The following IFT122 variants were observed in gnomAD, a reference collection of about 807,000 sequenced individuals.
IFT122 encodes the protein intraflagellar transport 122, also known as intraflagellar transport protein 122 homolog.
IFT122 carries 118 observed loss-of-function variants against 161.6 expected under a neutral mutation model. The observed-to-expected ratio is 0.73, with a 90% CI of 0.63 to 0.85. The LOEUF (loss-of-function observed/expected upper bound fraction) is 0.85. Among genes scored for constraint, IFT122 ranks in the 40% least tolerant of loss-of-function variants. The pLI is 0.00. For missense variants in IFT122, 1,381 were observed against 1,579.6 expected, an observed-to-expected ratio of 0.87 and a Z score of 2.13; for synonymous variants, 550 against 602.4, an observed-to-expected ratio of 0.91 and a Z score of 1.27.
In IFT122 at chr3:129,495,557, A is replaced by G; in HGVS notation, c.2158A>G (p.Asn720Asp). 2 of 1,614,176 alleles carry G rather than the reference A, an allele frequency of 1.2e-6. No individual in the cohort carries two copies. Among genetic ancestry groups the G allele is most frequent in the Non-Finnish European group, 1.7e-6 (2 of 1,180,034 alleles). ...ACTGTACAAGAGGAGTGGGCACGAGAACCTCGCGCTTGAAATGTACACCGA... is the reference window on the plus strand; with the variant it reads ...ACTGTACAAGAGGAGTGGGCACGAGGACCTCGCGCTTGAAATGTACACCGA... ...AKLYKRSGHENLALEMYTDLC... is the reference protein window; with the variant it reads ...AKLYKRSGHEDLALEMYTDLC... Residue 720 changes from asparagine (N) to aspartate (D), a missense_variant, in exon 18 of 30, where the codon AAC becomes GAC. Asn to Asp is a conservative substitution (Grantham distance 23). Around this residue, in one of 7 missense-constraint regions of IFT122, gnomAD observed 496 missense variants for 502.5 expected, o/e 0.99. Coordinates refer to ENST00000348417, the MANE Select transcript of IFT122 (RefSeq NM_052989.3).
intron 1 of IFT122, among the ~76,000 whole-genome samples, chr3:129,446,115 ACTCTC>A (rs993713957): frequency 6.6e-6 from 1 of 151,072 alleles, no homozygotes; most frequent in Non-Finnish European, 1.5e-5. Flanking sequence ...CATTTTACAA[ACTCTC>A]CTCTCTAAAG....
At chr3:129,515,865 A>G (rs1228365159) in intron 26 of IFT122, among the ~76,000 whole-genome samples, 28 of 152,188 alleles carry the variant, frequency 1.8e-4, no homozygotes, top group Non-Finnish European at 4.4e-5. Flanking sequence ...TGCCCCAGAA[A>G]GAGAGTCCGA....
intron 9 of IFT122, among the ~76,000 whole-genome samples, chr3:129,474,163 C>CT (rs1453727238): frequency 6.6e-6 from 1 of 152,152 alleles, no homozygotes; most frequent in Non-Finnish European, 1.5e-5. Flanking sequence ...ATTAATTTAA[C>CT]TAAGTTTTAA....
In IFT122 at chr3:129,516,088, G is replaced by A. The variant is rs1261982297; in HGVS notation, c.3265+489G>A. On this transcript the variant is annotated intron_variant, in intron 26 of 29. Transcript: ENST00000348417. Reference sequence around the variant, plus strand: ...CAGACTGTCCCTGAACACACACACAGACTGCTCCTGCACACACACACACAG... The same window carrying A: ...CAGACTGTCCCTGAACACACACACAAACTGCTCCTGCACACACACACACAG... Among the ~76,000 whole-genome samples the A allele has an allele frequency of 2.2e-5, 3 of 135,110 alleles. No individual in the cohort carries two copies. The East Asian group carries it at 7.1e-4, about 32-fold the overall frequency. The allele number at this position is 135,110 out of a possible 152,430, so 88.6% of individuals were successfully genotyped here.
chr3:129,470,417 C>A (rs555951185), intron 9 of IFT122, among the ~76,000 whole-genome samples: 1 of 152,062 alleles, frequency 6.6e-6, no homozygotes, highest in Admixed American at 6.5e-5. Context: ...GCGCCCACCA[C>A]CACGCCTGGC....
chr3:129,487,693 A>T (rs966291779), intron 15 of IFT122: 5 of 181,814 alleles, frequency 2.8e-5, no homozygotes, highest in Non-Finnish European at 5.9e-5. Context: ...GAACTCATTC[A>T]TTGTGTCAGC....
At position 129,502,773 on chromosome 3, in the gene IFT122, C is replaced by T; in HGVS notation, c.2438C>T (p.Thr813Ile). The T allele has an allele frequency of 6.2e-7, 1 of 1,612,830 alleles. No homozygotes were observed. Among genetic ancestry groups the T allele is most frequent in the African/African-American group, 1.3e-5 (1 of 75,064 alleles). Reference sequence around the variant, plus strand: ...CGCGAGCCCCTGCTGCTGTGCGCTACCTACCTCAAGAAGCTGGACAGCCCT... The same window carrying T: ...CGCGAGCCCCTGCTGCTGTGCGCTATCTACCTCAAGAAGCTGGACAGCCCT... Reference protein sequence around the residue: ...AEREPLLLCATYLKKLDSPGY... With the variant: ...AEREPLLLCAIYLKKLDSPGY... Residue 813 changes from threonine to isoleucine, a missense_variant, in exon 20 of 30, where the codon ACC becomes ATC. By Grantham distance (89) the Thr-to-Ile change is moderately conservative (BLOSUM62 -1). Transcript: ENST00000348417.
chr3:129,467,114 C>T, intron 8 of IFT122, 48 bp downstream of exon 8: 1 of 1,558,176 alleles, frequency 6.4e-7, no homozygotes, highest in African/African-American at 1.4e-5. Context: ...GGGCCCAGGC[C>T]CCACACAGAC....
intron 15 of IFT122, among the ~76,000 whole-genome samples, chr3:129,484,731 A>G (rs1323548398): frequency 6.6e-6 from 1 of 152,132 alleles, no homozygotes; most frequent in East Asian, 1.9e-4. Flanking sequence ...TCACTCAACA[A>G]TCTCCTAAAG....
chr3:129,489,705 G>A (rs2079799855), intron 16 of IFT122, among the ~76,000 whole-genome samples: 1 of 152,140 alleles, frequency 6.6e-6, no homozygotes, highest in Non-Finnish European at 1.5e-5. Context: ...CGGGCATGGT[G>A]GCAGGCGCCT....
chr3:129,471,417 A>G (rs981090372), intron 9 of IFT122, among the ~76,000 whole-genome samples: 4 of 152,214 alleles, frequency 2.6e-5, no homozygotes, highest in Admixed American at 2.0e-4. Flanking sequence ...ATGTGTGTAC[A>G]TCATCATTCA....
At chr3:129,441,731 G>C (rs374362619) in intron 1 of IFT122, among the ~76,000 whole-genome samples, 1 of 152,176 alleles carries the variant, frequency 6.6e-6, no homozygotes, top group Non-Finnish European at 1.5e-5. Flanking sequence ...CCTAGGAATA[G>C]TCTTGTATTC....
At chr3:129,502,217 G>A (rs2081636020) in intron 19 of IFT122, among the ~76,000 whole-genome samples, 1 of 152,218 alleles carries the variant, frequency 6.6e-6, no homozygotes, top group Non-Finnish European at 1.5e-5. Flanking sequence ...CAGTCATTGA[G>A]GTATTCTTAT....
chr3:129,506,665 TGTC>T, intron 22 of IFT122, 116 bp downstream of exon 22: 2 of 1,426,370 alleles, frequency 1.4e-6, no homozygotes, highest in Non-Finnish European at 2.0e-6. Context: ...TTGGGTGTAT[TGTC>T]CATAAGCCTG....
At chr3:129,479,230 TAGAAAAC>T (rs1182976373) in intron 12 of IFT122, among the ~76,000 whole-genome samples, 2 of 105,648 alleles carry the variant, frequency 1.9e-5, no homozygotes, top group African/African-American at 7.2e-5. Flanking sequence ...GAAAGCAGTC[TAGAAAAC>T]AGAGACCCCA....
At chr3:129,471,159 C>T (rs565122563) in intron 9 of IFT122, among the ~76,000 whole-genome samples, 12 of 152,262 alleles carry the variant, frequency 7.9e-5, no homozygotes, top group African/African-American at 2.6e-4. Flanking sequence ...CCTTTAATTG[C>T]GTAGCATCCT....
In IFT122 at chr3:129,451,369, C is replaced by T. The variant is rs146167147; in HGVS notation, c.109-545C>T. On this transcript the variant is annotated intron_variant, in intron 2 of 29. Transcript: ENST00000348417. ...AACTCCTGGTTTCAAGCAATCCTCC[C>T]ACTTCAGCCTCCCAGAGTGTTGGGA... is the stretch of plus-strand genomic sequence containing the variant. Among the ~76,000 whole-genome samples the T allele has an allele frequency of 9.5e-3, 1,443 of 152,136 alleles. 13 individuals carry two copies. Among genetic ancestry groups the T allele is most frequent in the Admixed American group, 0.02 (302 of 15,272 alleles).
chr3:129,496,225 C>T (rs1462459627), intron 18 of IFT122, among the ~76,000 whole-genome samples: 1 of 152,034 alleles, frequency 6.6e-6, no homozygotes, highest in Non-Finnish European at 1.5e-5. Flanking sequence ...CCTTACTCCC[C>T]AGCAGAGCTG....
In IFT122 at chr3:129,479,909, T is replaced by C. The variant is rs377430415; in HGVS notation, c.1475T>C (p.Leu492Pro). ...PPGREGLLVG[L>P]KNGQILKIFV... is the part of the protein sequence containing the mutation. Reference sequence around the variant, plus strand: ...GGAAGAGAAGGCCTCTTAGTGGGGCTGAAGAATGGACAGGTGAGTGCTCCC... The same window carrying C: ...GGAAGAGAAGGCCTCTTAGTGGGGCCGAAGAATGGACAGGTGAGTGCTCCC... The change falls in exon 13 of 30, where the codon CTG becomes CCG. Residue 492 changes from leucine to proline, a missense_variant. Transcript: ENST00000348417. The C allele has an allele frequency of 6.2e-7, 1 of 1,613,870 alleles. No individual in the cohort carries two copies. The highest frequency in any genetic ancestry group is 8.5e-7 in the Non-Finnish European group (1 of 1,179,942).
Sources: gnomAD v4.1 joint callset for allele counts (sites outside exome capture counted in the v4.1 genomes callset) on GRCh38, gnomAD v4.1.1 for gene constraint, gnomAD v4.1.1 regional missense constraint, MANE v1.5 for transcripts, NCBI Gene and HGNC (gene_info 2026-07-23, HGNC 2026-07-21) for gene names.